Variants in CD96 observed in about 807,000 individuals in gnomAD.
The protein encoded by CD96 is T-cell surface protein tactile.
CD96 carries 70 observed loss-of-function variants against 71.3 expected under a neutral mutation model. The observed-to-expected ratio is 0.98, with a 90% CI of 0.81 to 1.20. The LOEUF is 1.20. CD96 is among the 50% of genes most tolerant of loss of function. The pLI, the probability that CD96 is intolerant of heterozygous loss-of-function variation, is 0.00. For synonymous variants in CD96, 248 were observed against 233.0 expected, an observed-to-expected ratio of 1.06 and a Z score of -0.59; for missense variants, 742 against 677.5, an observed-to-expected ratio of 1.10 and a Z score of -1.06.
intron 8 of CD96, among the ~76,000 whole-genome samples, chr3:111,619,278 G>C (rs369899687): frequency 6.6e-6 from 1 of 152,020 alleles, no homozygotes; most frequent in East Asian, 1.9e-4. Flanking sequence ...TTTTATTTTA[G>C]TGAGAAAATT....
In CD96 at chr3:111,651,043, T is replaced by C. The variant is rs1940054618; in HGVS notation, c.*1237T>C. On this transcript the variant is annotated 3_prime_UTR_variant, in exon 14 of 14. Coordinates refer to ENST00000352690, the MANE Select transcript of CD96 (RefSeq NM_005816.5). ...GCCTTGTGCAGAGTTATTTGGAGAT[T>C]ATGTCTTTTTCTTAAACACCATGGC... The C allele has an allele frequency of 6.6e-6, 1 of 152,216 alleles. No homozygotes were observed. The highest frequency in any genetic ancestry group is 6.5e-5 in the Admixed American group (1 of 15,288). The allele number at this position is 152,216 out of a possible 1,614,324, so 9.4% of individuals were successfully genotyped here.
intron 6 of CD96, among the ~76,000 whole-genome samples, chr3:111,598,726 T>C (rs979578003): frequency 9.9e-5 from 15 of 152,202 alleles, no homozygotes; most frequent in African/African-American, 3.6e-4. Context: ...ACAAGGTACA[T>C]GTTCCCCAGG....
intron 14 of CD96, among the ~76,000 whole-genome samples, chr3:111,664,639 C>A (rs1390717372): frequency 1.8e-4 from 27 of 152,026 alleles, no homozygotes; most frequent in Non-Finnish European, 1.5e-5. Flanking sequence ...TGTACATGTA[C>A]CCCTGTATCT....
intron 5 of CD96, chr3:111,594,081 C>G (rs768484383): frequency 1.2e-6 from 2 of 1,614,170 alleles, no homozygotes; most frequent in East Asian, 4.5e-5. Flanking sequence ...GTGGGCATAG[C>G]ACTCACAAAA....
intron 5 of CD96, among the ~76,000 whole-genome samples, chr3:111,589,216 C>T (rs1372823083): frequency 1.3e-5 from 2 of 152,142 alleles, no homozygotes; most frequent in Non-Finnish European, 2.9e-5. Context: ...TCCCAGAGTG[C>T]TGGGATTACA....
chr3:111,624,343 C>T lies in CD96; in HGVS notation c.1260C>T (p.Ser420=), dbSNP rs1287643467. Residue 420 remains serine (S), a synonymous_variant, in exon 10 of 14, where the codon TCC becomes TCT. Coordinates refer to ENST00000352690, the MANE Select transcript of CD96 (RefSeq NM_005816.5). ...RPNTTPQPSN[S]SMTTRGFNYP... ...AATTTTGTCTTTCAGCCAGCAATTC[C>T]AGTATGACTACCCGAGGCTTCAACT... The T allele has an allele frequency of 6.2e-7, 1 of 1,608,970 alleles. No homozygotes were observed. Among genetic ancestry groups the T allele is most frequent in the Non-Finnish European group, 8.5e-7 (1 of 1,175,366 alleles).
At chr3:111,545,647 G>A (rs1199247796) in intron 2 of CD96, among the ~76,000 whole-genome samples, 1 of 152,182 alleles carries the variant, frequency 6.6e-6, no homozygotes, top group Non-Finnish European at 1.5e-5. Context: ...CATCACAGAG[G>A]CCATTGAAAT....
At chr3:111,578,571 A>T (rs1936326528) in intron 3 of CD96, among the ~76,000 whole-genome samples, 1 of 152,212 alleles carries the variant, frequency 6.6e-6, no homozygotes, top group African/African-American at 2.4e-5. Context: ...CTCGGGGAGG[A>T]GCTGACAAAG....
At chr3:111,637,282 T>C in intron 11 of CD96, 21 bp downstream of exon 11, 1 of 1,340,116 alleles carries the variant, frequency 7.5e-7, no homozygotes, top group Non-Finnish European at 1.1e-6. Context: ...GGGGAAGATT[T>C]AGGGACACTG....
chr3:111,643,563 GT>G (rs1939691335), intron 12 of CD96, among the ~76,000 whole-genome samples: 1 of 151,964 alleles, frequency 6.6e-6, no homozygotes, highest in Non-Finnish European at 1.5e-5. Flanking sequence ...GATGATGACT[GT>G]TTACCTTGAA....
intron 2 of CD96, among the ~76,000 whole-genome samples, chr3:111,562,554 TATTTTTTA>T (rs1193190578): frequency 1.3e-5 from 2 of 152,264 alleles, no homozygotes; most frequent in Non-Finnish European, 2.9e-5. Flanking sequence ...TACTAATAGT[TATTTTTTA>T]ATTTGGCTTG....
At chr3:111,577,605 A>C in intron 3 of CD96, 1 of 1,067,990 alleles carries the variant, frequency 9.4e-7, no homozygotes, top group Non-Finnish European at 1.5e-6. Flanking sequence ...TTTGCAGGCA[A>C]TAACACAATA....
chr3:111,636,654 A>G (rs959695661), intron 10 of CD96, among the ~76,000 whole-genome samples: 1 of 152,226 alleles, frequency 6.6e-6, no homozygotes, highest in African/African-American at 2.4e-5. Flanking sequence ...AAATGCTTCA[A>G]AAGGACTCAC....
chr3:111,665,195 A>G (rs865901192), intron 14 of CD96, among the ~76,000 whole-genome samples: 3,502 of 134,620 alleles, frequency 0.026, 139 homozygotes, highest in African/African-American at 0.093. Context: ...GTGTGTGTGT[A>G]TGTGTGTGTG....
At chr3:111,622,923 A>G (rs1305946711) in intron 8 of CD96, among the ~76,000 whole-genome samples, 1 of 152,236 alleles carries the variant, frequency 6.6e-6, no homozygotes, top group Non-Finnish European at 1.5e-5. Flanking sequence ...CTAAGAGCAT[A>G]AGACATCAGG....
intron 8 of CD96, among the ~76,000 whole-genome samples, chr3:111,618,893 G>A (rs1938381889): frequency 6.6e-6 from 1 of 151,874 alleles, no homozygotes; most frequent in Admixed American, 6.6e-5. Flanking sequence ...TAAGTTACCA[G>A]CTTATTCTTT....
intron 4 of CD96, among the ~76,000 whole-genome samples, chr3:111,580,919 A>G (rs2034273340): frequency 6.6e-6 from 1 of 152,214 alleles, no homozygotes; most frequent in Admixed American, 6.5e-5. Context: ...GCCATCCTCA[A>G]TGTAGAAAGA....
At chr3:111,610,306 C>T (rs577049061) in intron 8 of CD96, among the ~76,000 whole-genome samples, 4 of 152,310 alleles carry the variant, frequency 2.6e-5, no homozygotes, top group Non-Finnish European at 5.9e-5. Flanking sequence ...TGAAATCACA[C>T]GATGACTTCC....
intron 3 of CD96, chr3:111,571,094 C>T (rs1032877852): frequency 3.9e-5 from 31 of 790,888 alleles, no homozygotes; most frequent in South Asian, 2.2e-4. Context: ...GACTAAGACC[C>T]GGGCATCCCT....
Sources: gnomAD v4.1 joint callset for allele counts (sites outside exome capture counted in the v4.1 genomes callset) on GRCh38, gnomAD v4.1.1 for gene constraint, MANE v1.5 for transcripts, NCBI Gene and HGNC (gene_info 2026-07-23, HGNC 2026-07-21) for gene names.